The following GPATCH11 variants were observed in gnomAD, a reference collection of about 807,000 sequenced individuals.
The protein encoded by GPATCH11 is G-patch domain containing 11, also known as G patch domain-containing protein 11.
Under a neutral mutation model 44.8 loss-of-function variants are expected in GPATCH11, and 32 were observed. The observed-to-expected ratio is 0.71, with a 90% CI of 0.54 to 0.96. The LOEUF (loss-of-function observed/expected upper bound fraction) is 0.96, where lower values mean the gene tolerates loss of function less well. Ranked by LOEUF, GPATCH11 falls within the 40% of genes least tolerant of loss-of-function variation. The probability of loss-of-function intolerance (pLI) is 0.00; values close to 1 mark genes in which losing one functional copy is unlikely to be tolerated. For synonymous variants in GPATCH11, 84 were observed against 94.4 expected, an observed-to-expected ratio of 0.89 and a Z score of 0.64; for missense variants, 324 against 303.1, an observed-to-expected ratio of 1.07 and a Z score of -0.51.
At chr2:37,088,484 T>C (rs767627054) in intron 2 of GPATCH11, 44 bp downstream of exon 2, 1 of 893,460 alleles carries the variant, frequency 1.1e-6, no homozygotes, top group Non-Finnish European at 1.8e-6. Context: ...GTATAAGATG[T>C]GTAGATTAAG....
intron 1 of GPATCH11, among the ~76,000 whole-genome samples, chr2:37,087,037 T>C (rs1279165032): frequency 6.6e-6 from 1 of 152,116 alleles, no homozygotes; most frequent in Non-Finnish European, 1.5e-5. Flanking sequence ...CAAGATCCCT[T>C]CATGGGGCCA....
rs745437604 is a variant in GPATCH11 at position 37,095,524 on chromosome 2, A to G, written c.736+6A>G. On this transcript the variant is annotated splice_donor_region_variant and intron_variant, in intron 8 of 8. Transcript: ENST00000674370. Reference sequence around the variant, plus strand: ...GTGTGGAACAGCCTATGAAGGTAAGAAAATTACTTTATGCTTTTTAAAAAT... The same window carrying G: ...GTGTGGAACAGCCTATGAAGGTAAGGAAATTACTTTATGCTTTTTAAAAAT... 1 of 1,579,322 alleles carries G rather than the reference A, an allele frequency of 6.3e-7. No individual in the cohort carries two copies. The highest frequency in any genetic ancestry group is 2.3e-5 in the East Asian group (1 of 43,580).
intron 1 of GPATCH11, among the ~76,000 whole-genome samples, chr2:37,086,300 A>G: frequency 6.6e-6 from 1 of 152,258 alleles, no homozygotes; most frequent in East Asian, 1.9e-4. Context: ...GTATTTAAAA[A>G]GTGTTTAAAA....
intron 2 of GPATCH11, 55 bp from the exon 3 acceptor site, chr2:37,089,585 A>G (rs551666978): frequency 4.2e-5 from 55 of 1,297,230 alleles, no homozygotes; most frequent in South Asian, 3.2e-4. Flanking sequence ...AAAAAAAAAA[A>G]AAAAGAAAAG....
At chr2:37,088,988 C>A (rs1255953511) in intron 2 of GPATCH11, among the ~76,000 whole-genome samples, 1 of 152,176 alleles carries the variant, frequency 6.6e-6, no homozygotes, top group Non-Finnish European at 1.5e-5. Context: ...GAAATTTACT[C>A]CTTTTCCTTT....
At chr2:37,090,847 T>A (rs778713953) in intron 4 of GPATCH11, 125 bp downstream of exon 4, 3 of 563,652 alleles carry the variant, frequency 5.3e-6, no homozygotes, top group Non-Finnish European at 9.4e-6. Context: ...TAAAATTTTG[T>A]TAAATTTCTA....
chr2:37,086,846 T>G (rs1673075719), intron 1 of GPATCH11, among the ~76,000 whole-genome samples: 1 of 152,198 alleles, frequency 6.6e-6, no homozygotes, highest in Admixed American at 6.5e-5. Flanking sequence ...TAATCCTTTT[T>G]TCATCCAGTG....
At chr2:37,085,812 T>G (rs1672996462) in intron 1 of GPATCH11, among the ~76,000 whole-genome samples, 1 of 152,228 alleles carries the variant, frequency 6.6e-6, no homozygotes, top group Non-Finnish European at 1.5e-5. Context: ...CTTAGCTTAG[T>G]TTAGCATGGA....
intron 3 of GPATCH11, 52 bp downstream of exon 3, chr2:37,089,918 T>G: frequency 7.9e-7 from 1 of 1,267,862 alleles, no homozygotes; most frequent in Non-Finnish European, 1.1e-6. Flanking sequence ...AATTGTGACT[T>G]ATGGATAAGG....
intron 2 of GPATCH11, 26 bp downstream of exon 2, chr2:37,088,466 A>G: frequency 9.2e-7 from 1 of 1,091,620 alleles, no homozygotes; most frequent in African/African-American, 1.6e-5. Flanking sequence ...CACCCAGTGC[A>G]ATGATATGTA....
Position 37,084,596 on chromosome 2 carries a change from T to TGGG in GPATCH11, c.-14+28_-14+30dup. On this transcript the variant is annotated intron_variant, in intron 1 of 8. Coordinates refer to ENST00000674370, the MANE Select transcript of GPATCH11 (RefSeq NM_174931.4). ...GTAAGAGAGCTGTCAGGTAAGGGTC[T>TGGG]GGGGACAACCGGTAGAATGATAAAA... 3.3e-6 allele frequency: 4 copies of TGGG among 1,227,362 alleles called. No individual in the cohort carries two copies. In the South Asian group the frequency reaches 1.7e-4, roughly 51 times the overall value. The allele number at this position is 1,227,362 out of a possible 1,614,324, so 76.0% of individuals were successfully genotyped here.
rs1558400365 is a variant in GPATCH11 at position 37,098,371 on chromosome 2, G to GTATGTATATATATATATATATAT, written c.*2108_*2109insTATGTATATATATATATATATAT. The stretch of plus-strand genomic sequence containing the variant: ...ATGTATGTATATATATATATATATA[G>GTATGTATATATATATATATATAT]AGAGAGAGAGAGAGAGAGAGCTATT... On this transcript the variant is annotated 3_prime_UTR_variant, in exon 9 of 9. Coordinates refer to ENST00000674370, the MANE Select transcript of GPATCH11 (RefSeq NM_174931.4). 3.1e-5 allele frequency: 4 copies of GTATGTATATATATATATATATAT among 127,842 alleles called. No homozygotes were observed. Among genetic ancestry groups the GTATGTATATATATATATATATAT allele is most frequent in the Admixed American group, 7.5e-5 (1 of 13,416 alleles). The allele number at this position is 127,842 out of a possible 1,614,324, so 7.9% of individuals were successfully genotyped here. A position where few individuals can be genotyped will look rare whatever the true frequency, so the allele number is the denominator to read the frequency against.
At chr2:37,086,252 G>A (rs897359198) in intron 1 of GPATCH11, among the ~76,000 whole-genome samples, 10 of 152,152 alleles carry the variant, frequency 6.6e-5, no homozygotes, top group Non-Finnish European at 2.9e-5. Flanking sequence ...TCACAGAAAT[G>A]TATTAAGCTG....
In GPATCH11 at chr2:37,089,886, A is replaced by G. The variant is rs777614365; in HGVS notation, c.286+20A>G. ...AGAGTGGTAAGTCACATGTGGAAAT[A>G]AACAGGTATTCCTTACCACCTAATT... On this transcript the variant is annotated intron_variant, in intron 3 of 8. Coordinates refer to ENST00000674370, the MANE Select transcript of GPATCH11 (RefSeq NM_174931.4). 1.6e-4 allele frequency: 244 copies of G among 1,495,586 alleles called. No individual in the cohort carries two copies. The highest frequency in any genetic ancestry group is 2.1e-4 in the Non-Finnish European group (227 of 1,097,200). The allele number at this position is 1,495,586 out of a possible 1,614,324, so 92.6% of individuals were successfully genotyped here.
intron 8 of GPATCH11, among the ~76,000 whole-genome samples, chr2:37,095,851 G>A (rs1673550960): frequency 6.6e-6 from 1 of 152,096 alleles, no homozygotes; most frequent in Admixed American, 6.6e-5. Flanking sequence ...AAATTTTAGA[G>A]CTAATTTTTA....
In GPATCH11 at chr2:37,095,446, A is replaced by G. The variant is rs750588514; in HGVS notation, c.664A>G (p.Lys222Glu). ...TGCTTGTATCCTATAGGTACTGGAA[A>G]AATTACAAATATTGACTAGTTATTT... ...YKSEDLSVLE[K>E]LQILTSYLRE... The change falls in exon 8 of 9, where the codon AAA becomes GAA. Residue 222 changes from lysine to glutamate, a missense_variant. Lys to Glu is a moderately conservative substitution (Grantham distance 56, BLOSUM62 1). Coordinates refer to ENST00000674370, the MANE Select transcript of GPATCH11 (RefSeq NM_174931.4). 6.8e-6 allele frequency: 11 copies of G among 1,605,840 alleles called. No individual in the cohort carries two copies. Among genetic ancestry groups the G allele is most frequent in the Non-Finnish European group, 4.2e-6 (5 of 1,176,624 alleles).
In GPATCH11 at chr2:37,088,454, C is replaced by G. The variant is rs758103937; in HGVS notation, c.59+14C>G. ...CATTAATGTCCAGTAAGTAAATGTG[C>G]ACACCCAGTGCAATGATATGTATAA... On this transcript the variant is annotated intron_variant, in intron 2 of 8. Transcript: ENST00000674370. 7.6e-7 allele frequency: 1 copy of G among 1,321,110 alleles called. No homozygotes were observed. The highest frequency in any genetic ancestry group is 1.1e-6 in the Non-Finnish European group (1 of 922,878). The allele number at this position is 1,321,110 out of a possible 1,614,324, so 81.8% of individuals were successfully genotyped here.
At chr2:37,091,858 G>A (rs1456032937) in intron 4 of GPATCH11, 58 bp from the exon 5 acceptor site, 15 of 1,535,912 alleles carry the variant, frequency 9.8e-6, no homozygotes, top group East Asian at 4.5e-5. Flanking sequence ...TAGTTAAATC[G>A]TCTTGTTTTG....
chr2:37,088,647 G>T (rs1673162516), intron 2 of GPATCH11, among the ~76,000 whole-genome samples: 1 of 152,188 alleles, frequency 6.6e-6, no homozygotes, highest in African/African-American at 2.4e-5. Context: ...CTCCCGAGTA[G>T]TTGGGACTGC....
Sources: allele counts gnomAD v4.1 joint callset (sites outside exome capture counted in the v4.1 genomes callset), GRCh38; gene constraint gnomAD v4.1.1; transcripts MANE v1.5; gene names NCBI Gene and HGNC (gene_info 2026-07-23, HGNC 2026-07-21).